Variants in TMEM272 observed in about 807,000 individuals in gnomAD.
The protein encoded by TMEM272 is transmembrane protein 272, also known as long intergenic non-protein coding RNA 282.
A neutral mutation model predicts 3.7 loss-of-function variants in TMEM272; 8 were observed. The observed-to-expected ratio is 2.17, with a 90% CI of 1.27 to 3.91. TMEM272 has a LOEUF of 3.91. TMEM272 is among the 30% of genes most tolerant of loss of function. The probability of loss-of-function intolerance (pLI) is 0.00; values close to 1 mark genes in which losing one functional copy is unlikely to be tolerated. For missense variants in TMEM272, 166 were observed against 91.5 expected (o/e 1.81, Z -3.32); for synonymous variants, 63 against 39.8 (o/e 1.58, Z -2.20).
chr13:51,831,353 G>C (rs1292571161), intron 2 of TMEM272, among the ~76,000 whole-genome samples: 1 of 152,128 alleles, frequency 6.6e-6, no homozygotes, highest in African/African-American at 2.4e-5. Flanking sequence ...GAACCCAGGA[G>C]TTCAAGTCTG....
intron 3 of TMEM272, among the ~76,000 whole-genome samples, chr13:51,825,008 T>C (rs1236879309): frequency 1.3e-5 from 2 of 152,208 alleles, no homozygotes. Flanking sequence ...TAGGGTTCTC[T>C]TACCTTACAG....
At chr13:51,859,502 C>T in the TMEM272 span, among the ~76,000 whole-genome samples, 1 of 64,116 alleles carries the variant, frequency 1.6e-5, no homozygotes. Context: ...CGACTCCCAA[C>T]CAAACACACA....
At chr13:51,888,633 CTTTTTCTTTTTTTT>C in the TMEM272 span, among the ~76,000 whole-genome samples, 1 of 120,114 alleles carries the variant, frequency 8.3e-6, no homozygotes, top group Non-Finnish European at 1.7e-5. Context: ...TTTCTTTTTT[CTTTTTCTTTTTTTT>C]TTTTTTTTTT....
At chr13:51,921,711 G>A in the TMEM272 span, 1 of 152,396 alleles carries the variant, frequency 6.6e-6, no homozygotes, top group South Asian at 2.1e-4. Flanking sequence ...CAGCATAAGG[G>A]GATAATGGTC....
chr13:51,906,671 TCAAA>T, the TMEM272 span, among the ~76,000 whole-genome samples: 4 of 152,268 alleles, frequency 2.6e-5, no homozygotes, highest in East Asian at 3.9e-4. Flanking sequence ...CCTGAGGCAT[TCAAA>T]CAGTTTGCAA....
intron 3 of TMEM272, among the ~76,000 whole-genome samples, chr13:51,822,342 G>A (rs1298409847): frequency 1.3e-5 from 2 of 152,236 alleles, no homozygotes; most frequent in Admixed American, 1.3e-4. Flanking sequence ...ACAGCGGAGT[G>A]GCGATAAATA....
the TMEM272 span, among the ~76,000 whole-genome samples, chr13:51,850,311 T>C: frequency 6.6e-6 from 1 of 152,226 alleles, no homozygotes; most frequent in Non-Finnish European, 1.5e-5. Context: ...CTTGTTTTAT[T>C]TCTTTGCCTA....
chr13:51,884,955 CAG>C, the TMEM272 span, among the ~76,000 whole-genome samples: 1 of 152,148 alleles, frequency 6.6e-6, no homozygotes, highest in African/African-American at 2.4e-5. Flanking sequence ...TTAAATGAAA[CAG>C]TGTTTTACCA....
the TMEM272 span, among the ~76,000 whole-genome samples, chr13:51,928,547 G>A: frequency 1.1e-4 from 16 of 152,228 alleles, no homozygotes; most frequent in Non-Finnish European, 1.9e-4. Context: ...TTCACTGCCT[G>A]TTGAGATCGC....
At chr13:51,922,766 G>T in the TMEM272 span, among the ~76,000 whole-genome samples, 1 of 152,304 alleles carries the variant, frequency 6.6e-6, no homozygotes, top group South Asian at 2.1e-4. Flanking sequence ...TCTATTCCTC[G>T]CCTCTTCCAG....
the TMEM272 span, chr13:51,921,423 G>A: frequency 6.6e-6 from 1 of 152,228 alleles, no homozygotes; most frequent in African/African-American, 2.4e-5. Context: ...CCAAGGGCAG[G>A]AAAGAAGGCT....
the TMEM272 span, among the ~76,000 whole-genome samples, chr13:51,917,098 T>C: frequency 6.6e-6 from 1 of 152,178 alleles, no homozygotes; most frequent in African/African-American, 2.4e-5. Context: ...AGACCATGAA[T>C]ATGACTTATG....
chr13:51,917,947 G>C, the TMEM272 span, among the ~76,000 whole-genome samples: 1 of 152,142 alleles, frequency 6.6e-6, no homozygotes, highest in Non-Finnish European at 1.5e-5. Flanking sequence ...TTTATTGAGA[G>C]ATTCATCCCA....
chr13:51,878,771 T>A, the TMEM272 span, among the ~76,000 whole-genome samples: 12 of 152,256 alleles, frequency 7.9e-5, no homozygotes, highest in African/African-American at 2.9e-4. Context: ...AAATGACTCT[T>A]CCCTTCACTA....
the TMEM272 span, among the ~76,000 whole-genome samples, chr13:51,903,477 T>C: frequency 6.6e-6 from 1 of 152,160 alleles, no homozygotes; most frequent in Admixed American, 6.5e-5. Context: ...GATGACGATG[T>C]CTCAGTTGTC....
rs773406280 is a variant in TMEM272, at chr13:51,814,839, T to C, written c.*1912A>G. On this transcript the variant is annotated 3_prime_UTR_variant, in exon 5 of 5. Transcript: ENST00000629372. The stretch of plus-strand genomic sequence containing the variant: ...CTAGCTACTGATGTATCCAAAGCAC[T>C]AACCAGTACCTGCCATCTGCTAACA... 7.2e-5 allele frequency: 11 copies of C among 152,446 alleles called. No individual in the cohort carries two copies. The highest frequency in any genetic ancestry group is 8.8e-5 in the Non-Finnish European group (6 of 68,074). The allele number at this position is 152,446 out of a possible 1,614,324, so 9.4% of individuals were successfully genotyped here. A position where few individuals can be genotyped will look rare whatever the true frequency, so the allele number is the denominator to read the frequency against.
At chr13:51,853,802 A>AAT in the TMEM272 span, among the ~76,000 whole-genome samples, 1 of 152,250 alleles carries the variant, frequency 6.6e-6, no homozygotes, top group South Asian at 2.1e-4. Context: ...AATTGCATAG[A>AAT]ATATATGTAG....
At chr13:51,831,109 G>C (rs566219215) in intron 2 of TMEM272, among the ~76,000 whole-genome samples, 1 of 152,112 alleles carries the variant, frequency 6.6e-6, no homozygotes, top group South Asian at 2.1e-4. Context: ...TACAAATGGC[G>C]CCTGGAAATC....
the TMEM272 span, chr13:51,861,972 C>T: frequency 6.6e-6 from 1 of 152,298 alleles, no homozygotes; most frequent in Non-Finnish European, 1.5e-5. Context: ...CAGCACTGCC[C>T]TATCAGTGAA....
Sources: allele counts gnomAD v4.1 joint callset (sites outside exome capture counted in the v4.1 genomes callset), GRCh38; gene constraint gnomAD v4.1.1; transcripts MANE v1.5; gene names NCBI Gene and HGNC (gene_info 2026-07-23, HGNC 2026-07-21).